The following EHMT1 variants were observed in gnomAD, a reference collection of about 807,000 sequenced individuals.
EHMT1 encodes histone-lysine N-methyltransferase EHMT1.
A neutral mutation model predicts 147.2 loss-of-function variants in EHMT1; 15 were observed. The ratio of observed to expected loss-of-function variants is 0.10; its 90% CI spans 0.07 to 0.16. The LOEUF (loss-of-function observed/expected upper bound fraction) is 0.16, where lower values mean the gene tolerates loss of function less well. Among genes scored for constraint, EHMT1 ranks in the 10% least tolerant of loss-of-function variants. EHMT1 has a pLI of 1.00. For missense variants in EHMT1, 1,587 were observed against 1,772.4 expected (o/e 0.90, Z 1.88); for synonymous variants, 795 against 709.6 (o/e 1.12, Z -1.91).
intron 3 of EHMT1, among the ~76,000 whole-genome samples, chr9:137,726,477 G>A (rs1270185446): frequency 3.9e-5 from 6 of 152,156 alleles, no homozygotes; most frequent in Non-Finnish European, 5.9e-5. Flanking sequence ...TGAGTCACAC[G>A]TCACTGCGTT....
chr9:137,718,272 C>A (rs565876040), intron 3 of EHMT1, among the ~76,000 whole-genome samples: 1 of 152,264 alleles, frequency 6.6e-6, no homozygotes, highest in Non-Finnish European at 1.5e-5. Flanking sequence ...CCAGATCTTA[C>A]GTGGTGCATA....
At chr9:137,769,242 G>T (rs1950442880) in intron 10 of EHMT1, among the ~76,000 whole-genome samples, 1 of 149,616 alleles carries the variant, frequency 6.7e-6, no homozygotes, top group Non-Finnish European at 1.5e-5. Flanking sequence ...ACAGTATATT[G>T]GCTATTATTT....
At position 137,776,964 on chromosome 9, in the gene EHMT1, C is replaced by G; in HGVS notation, c.2018+120C>G. 1.1e-6 allele frequency: 1 copy of G among 898,514 alleles called. No homozygotes were observed. Among genetic ancestry groups the G allele is most frequent in the Non-Finnish European group, 1.7e-6 (1 of 581,742 alleles). 55.7% of individuals were successfully genotyped at this position (898,514 alleles called of 1,614,324 possible). On this transcript the variant is annotated intron_variant, in intron 12 of 26. Coordinates refer to ENST00000460843, the MANE Select transcript of EHMT1 (RefSeq NM_024757.5). The surrounding 1 kb of genome is among the most constrained non-coding windows in gnomAD (Gnocchi z 4.4). ...AGAAGTCTCTGAGCTGATGCTGATG[C>G]TTATGGTGATTTCTGACATTTAAGA...
At chr9:137,715,632 C>G in intron 2 of EHMT1, 1 of 985,416 alleles carries the variant, frequency 1.0e-6, no homozygotes, top group Non-Finnish European at 1.2e-6. Flanking sequence ...CTGTCCTGAG[C>G]TGAGTGTGTG....
intron 1 of EHMT1, chr9:137,640,943 C>T: frequency 6.2e-6 from 1 of 162,228 alleles, no homozygotes; most frequent in Non-Finnish European, 1.3e-5. Context: ...CTGCACCTTG[C>T]TCCCGGGAAC....
Position 137,744,021 on chromosome 9 carries a change from G to T in EHMT1, c.1101G>T (p.Ala367=). ...EEDDGHGAEQ[A]AAFPTEDSRT... Reference sequence around the variant, plus strand: ...ACGACGGCCATGGTGCAGAGCAGGCGGCCGCGTTCCCCACAGAGGACAGCA... The same window carrying T: ...ACGACGGCCATGGTGCAGAGCAGGCTGCCGCGTTCCCCACAGAGGACAGCA... Residue 367 remains alanine (A), a synonymous_variant, in exon 6 of 27, where the codon GCG becomes GCT. Transcript: ENST00000460843. The T allele has an allele frequency of 6.2e-7, 1 of 1,614,116 alleles. No individual in the cohort carries two copies. Among genetic ancestry groups the T allele is most frequent in the Non-Finnish European group, 8.5e-7 (1 of 1,180,030 alleles).
At chr9:137,748,474 T>C (rs551295086) in intron 6 of EHMT1, among the ~76,000 whole-genome samples, 4 of 152,262 alleles carry the variant, frequency 2.6e-5, no homozygotes, top group African/African-American at 7.2e-5. Context: ...AGCACCCTCA[T>C]ACAGGTGTTG....
chr9:137,696,738 G>A (rs1473431935), intron 1 of EHMT1, among the ~76,000 whole-genome samples: 2 of 152,156 alleles, frequency 1.3e-5, no homozygotes, highest in Non-Finnish European at 2.9e-5. Context: ...TTGCCGTCAT[G>A]GGGGTATCTT....
At chr9:137,798,258 C>T (rs1402796494) in intron 16 of EHMT1, among the ~76,000 whole-genome samples, 1 of 152,106 alleles carries the variant, frequency 6.6e-6, no homozygotes, top group Admixed American at 6.5e-5. Context: ...GTACATTAGC[C>T]AGTCATGGTG....
At chr9:137,748,136 A>G (rs1456829626) in intron 6 of EHMT1, among the ~76,000 whole-genome samples, 2 of 152,106 alleles carry the variant, frequency 1.3e-5, no homozygotes, top group Non-Finnish European at 2.9e-5. Flanking sequence ...CAAAACTGTT[A>G]TCATACTAAT....
At chr9:137,706,870 G>A (rs1284925357) in intron 1 of EHMT1, among the ~76,000 whole-genome samples, 19 of 151,270 alleles carry the variant, frequency 1.3e-4, no homozygotes, top group Admixed American at 1.2e-3. Context: ...TGCCCAGGCT[G>A]GAGTGAAGCA....
intron 18 of EHMT1, among the ~76,000 whole-genome samples, chr9:137,808,572 C>CGTAA (rs2137581739): frequency 6.6e-6 from 1 of 151,102 alleles, no homozygotes; most frequent in East Asian, 1.9e-4. Flanking sequence ...CCAGGCTTGT[C>CGTAA]GTAACTCAGC....
chr9:137,782,487 A>C lies in EHMT1; in HGVS notation c.2382+90A>C. On this transcript the variant is annotated intron_variant, in intron 15 of 26. Transcript: ENST00000460843. The surrounding 1 kb of genome is among the most constrained non-coding windows in gnomAD (Gnocchi z 5.7). ...ATCATACCACGTTCGCGGTTCTTCC[A>C]GTGTAAGAGTTCCGTAGTGCTGTGA... The C allele has an allele frequency of 1.6e-6, 2 of 1,240,304 alleles. No homozygotes were observed. Among genetic ancestry groups the C allele is most frequent in the South Asian group, 1.3e-5 (1 of 77,450 alleles). 76.8% of individuals were successfully genotyped at this position (1,240,304 alleles called of 1,614,324 possible). A position where few individuals can be genotyped will look rare whatever the true frequency, so the allele number is the denominator to read the frequency against.
At chr9:137,802,975 A>T in intron 18 of EHMT1, 1 of 1,232,358 alleles carries the variant, frequency 8.1e-7, no homozygotes, top group Non-Finnish European at 1.0e-6. Context: ...AGAGGAGGGA[A>T]GCAAAGGCAG....
At position 137,700,190 on chromosome 9, in the gene EHMT1, A is replaced by G. The variant is rs115294905; in HGVS notation, c.22-10777A>G. On this transcript the variant is annotated intron_variant, in intron 1 of 26. Coordinates refer to ENST00000460843, the MANE Select transcript of EHMT1 (RefSeq NM_024757.5). ...GACTTGACATGTGAGTATTTCTCCT[A>G]TCCCTCTATCCCTTTTGGATATTTT... is the stretch of plus-strand genomic sequence containing the variant. Among the ~76,000 whole-genome samples, 537 of 152,264 alleles carry G rather than the reference A, an allele frequency of 3.5e-3. 3 individuals are homozygous for G. Among genetic ancestry groups the G allele is most frequent in the African/African-American group, 0.012 (502 of 41,558 alleles).
At chr9:137,771,035 T>A (rs1950550805) in intron 10 of EHMT1, among the ~76,000 whole-genome samples, 1 of 152,126 alleles carries the variant, frequency 6.6e-6, no homozygotes, top group South Asian at 2.1e-4. Context: ...ATCACATATC[T>A]TCACTTTACT....
intron 6 of EHMT1, among the ~76,000 whole-genome samples, chr9:137,752,116 G>A (rs1161828693): frequency 6.6e-6 from 1 of 152,218 alleles, no homozygotes; most frequent in Non-Finnish European, 1.5e-5. Flanking sequence ...GAAGCTCAGA[G>A]TGTGTCTCTG....
rs1950978376 is a variant in EHMT1, at chr9:137,776,577, C to G, written c.1792-41C>G. 1 of 1,606,028 alleles carries G rather than the reference C, an allele frequency of 6.2e-7. No homozygotes were observed. Among genetic ancestry groups the G allele is most frequent in the African/African-American group, 1.3e-5 (1 of 74,686 alleles). The stretch of plus-strand genomic sequence containing the variant: ...TACTTTATTTTTCTAAATATTAACC[C>G]CAATTAAAACAAAAATTTTTTTTTG... On this transcript the variant is annotated intron_variant, in intron 11 of 26. Transcript: ENST00000460843. The surrounding 1 kb of genome is among the most constrained non-coding windows in gnomAD (Gnocchi z 4.4).
intron 1 of EHMT1, among the ~76,000 whole-genome samples, chr9:137,654,861 G>A (rs1938266021): frequency 6.6e-6 from 1 of 152,324 alleles, no homozygotes; most frequent in African/African-American, 2.4e-5. Context: ...TGGGCCAGGT[G>A]GTGGGGTACA....
Sources: gnomAD v4.1 joint callset for allele counts (sites outside exome capture counted in the v4.1 genomes callset) on GRCh38, gnomAD v4.1.1 for gene constraint, Gnocchi (gnomAD v3.1) non-coding constraint, MANE v1.5 for transcripts, NCBI Gene and HGNC (gene_info 2026-07-23, HGNC 2026-07-21) for gene names.